PCDH15: variants seen among roughly 807,000 people sequenced by gnomAD.
The protein encoded by PCDH15 is protocadherin related 15, also known as protocadherin-15.
A neutral mutation model predicts 178.5 loss-of-function variants in PCDH15; 129 were observed. The ratio of observed to expected loss-of-function variants is 0.72; its 90% confidence interval spans 0.63 to 0.84. The LOEUF is 0.84. PCDH15 is among the 40% of genes least tolerant of loss of function. PCDH15 has a pLI of 0.00. For missense variants in PCDH15, 2,230 were observed against 2,099.9 expected, an observed-to-expected ratio of 1.06 and a Z score of -1.21; for synonymous variants, 800 against 732.0, an observed-to-expected ratio of 1.09 and a Z score of -1.50.
At chr10:54,157,292 C>A (rs1008185186) in intron 13 of PCDH15, among the ~76,000 whole-genome samples, 1 of 152,256 alleles carries the variant, frequency 6.6e-6, no homozygotes, top group Non-Finnish European at 1.5e-5. Context: ...CCAGGTGTTT[C>A]CATACATCCT....
intron 3 of PCDH15, among the ~76,000 whole-genome samples, chr10:54,815,576 T>C (rs1952934283): frequency 6.6e-6 from 1 of 152,078 alleles, no homozygotes. Context: ...CATATCACAG[T>C]AAAAAGTAAT....
intron 17 of PCDH15, among the ~76,000 whole-genome samples, chr10:54,070,497 C>T (rs1328940414): frequency 6.6e-6 from 1 of 152,178 alleles, no homozygotes; most frequent in Non-Finnish European, 1.5e-5. Context: ...AGCCATCGCA[C>T]CCAGCTTACT....
chr10:55,073,153 G>A (rs1483097053), intron 2 of PCDH15, among the ~76,000 whole-genome samples: 2 of 151,894 alleles, frequency 1.3e-5, no homozygotes, highest in Admixed American at 1.3e-4. Context: ...TACTGAATGG[G>A]CAAAAACTGG....
chr10:55,402,061 C>T (rs111998110), intron 2 of PCDH15, among the ~76,000 whole-genome samples: 1,830 of 151,412 alleles, frequency 0.012, 46 homozygotes, highest in African/African-American at 0.042. Context: ...CAGCTGGGTA[C>T]ATATTTCTGT....
intron 1 of PCDH15, among the ~76,000 whole-genome samples, chr10:55,318,556 A>T (rs1843792721): frequency 6.6e-6 from 1 of 152,176 alleles, no homozygotes; most frequent in African/African-American, 2.4e-5. Context: ...GGGAGACAGA[A>T]ATGAAGAAGT....
intron 2 of PCDH15, among the ~76,000 whole-genome samples, chr10:54,613,886 A>C (rs1365735676): frequency 6.6e-6 from 1 of 151,796 alleles, no homozygotes; most frequent in Non-Finnish European, 1.5e-5. Flanking sequence ...AGTTTTCATG[A>C]GTATTTTATA....
chr10:54,159,756 A>G (rs1159410311), intron 13 of PCDH15, among the ~76,000 whole-genome samples: 1 of 152,218 alleles, frequency 6.6e-6, no homozygotes, highest in Non-Finnish European at 1.5e-5. Flanking sequence ...TTGTCCCTGT[A>G]TAGAAATAAT....
chr10:53,888,290 A>ATATAT, intron 26 of PCDH15, among the ~76,000 whole-genome samples: 1 of 49,264 alleles, frequency 2.0e-5, no homozygotes, highest in East Asian at 5.0e-3. Flanking sequence ...CACTATATAT[A>ATATAT]CATATATATA....
intron 3 of PCDH15, among the ~76,000 whole-genome samples, chr10:54,409,871 C>T (rs1217984652): frequency 1.3e-5 from 2 of 152,026 alleles, no homozygotes; most frequent in Non-Finnish European, 2.9e-5. Flanking sequence ...CTATGTGCTG[C>T]CCTCTCACCA....
In PCDH15 at chr10:54,369,124, T is replaced by C. The variant is rs727503368; in HGVS notation, c.470A>G (p.Asn157Ser). ...AGAGAGTAAATAGAAACTGACCTCA[T>C]TCACTGTGGCATAGTAGCTTTCATG... is the stretch of plus-strand genomic sequence containing the variant. The part of the protein sequence containing the change: ...FKHESYYATV[N>S]ELTPVGTTIF... The change falls in exon 5 of 38, where the codon AAT becomes AGT. Residue 157 changes from asparagine (N) to serine (S), a missense_variant. Transcript: ENST00000644397. The C allele has an allele frequency of 1.6e-5, 25 of 1,612,730 alleles. No homozygotes were observed. The highest frequency in any genetic ancestry group is 2.0e-5 in the Non-Finnish European group (24 of 1,179,240).
intron 1 of PCDH15, among the ~76,000 whole-genome samples, chr10:54,694,800 T>A (rs1222833280): frequency 6.6e-6 from 1 of 152,014 alleles, no homozygotes; most frequent in African/African-American, 2.4e-5. Context: ...TTAGGCCAAC[T>A]AATAATTGTA....
intron 2 of PCDH15, among the ~76,000 whole-genome samples, chr10:55,618,484 A>G (rs897623249): frequency 1.3e-5 from 2 of 152,040 alleles, no homozygotes; most frequent in African/African-American, 4.8e-5. Context: ...CTTTGATTAT[A>G]TAAGAAGGTC....
intron 2 of PCDH15, among the ~76,000 whole-genome samples, chr10:55,472,465 C>CT (rs71014493): frequency 5.1e-4 from 51 of 99,752 alleles, no homozygotes; most frequent in Non-Finnish European, 8.5e-4. Context: ...TTTGAATTAG[C>CT]TTTTTTTTTT....
chr10:54,831,455 AG>A (rs1415605308), intron 3 of PCDH15, among the ~76,000 whole-genome samples: 1 of 152,116 alleles, frequency 6.6e-6, no homozygotes, highest in Non-Finnish European at 1.5e-5. Flanking sequence ...CTATTTTACC[AG>A]TTTTTAACAT....
At chr10:54,023,243 C>A (rs199703833) in intron 18 of PCDH15, 46 bp from the exon 19 acceptor site, 1 of 1,556,130 alleles carries the variant, frequency 6.4e-7, no homozygotes, top group Admixed American at 1.7e-5. Flanking sequence ...TAAGTTTTGA[C>A]GGGCTACTGT....
chr10:54,535,665 G>T (rs1026046377), intron 2 of PCDH15, among the ~76,000 whole-genome samples: 4 of 138,728 alleles, frequency 2.9e-5, no homozygotes, highest in Non-Finnish European at 6.1e-5. Context: ...AGCTGAGATG[G>T]TGCCACTGCA....
chr10:55,424,260 T>C (rs911391153), intron 2 of PCDH15, among the ~76,000 whole-genome samples: 25 of 152,122 alleles, frequency 1.6e-4, no homozygotes, highest in Non-Finnish European at 1.5e-5. Flanking sequence ...GAACTAATTA[T>C]TCTTTGTGCT....
intron 2 of PCDH15, among the ~76,000 whole-genome samples, chr10:54,982,967 AC>A (rs1341228230): frequency 6.6e-6 from 1 of 151,926 alleles, no homozygotes; most frequent in Non-Finnish European, 1.5e-5. Context: ...GAGTAATTTG[AC>A]CCCCCAAAAT....
At chr10:54,450,032 C>A (rs544067456) in intron 3 of PCDH15, among the ~76,000 whole-genome samples, 28 of 151,068 alleles carry the variant, frequency 1.9e-4, no homozygotes, top group Non-Finnish European at 3.0e-4. Context: ...TTGCAAATAG[C>A]GAGATGTGGT....
Sources: gnomAD v4.1 joint callset for allele counts (sites outside exome capture counted in the v4.1 genomes callset) on GRCh38, gnomAD v4.1.1 for gene constraint, MANE v1.5 for transcripts, NCBI Gene and HGNC (gene_info 2026-07-23, HGNC 2026-07-21) for gene names.